Variants in GDAP1 observed in about 807,000 individuals in gnomAD.
The protein encoded by GDAP1 is ganglioside-induced differentiation-associated protein 1.
GDAP1 carries 34 observed loss-of-function variants against 40.1 expected under a neutral mutation model. The ratio of observed to expected loss-of-function variants is 0.85; its 90% CI spans 0.64 to 1.13. GDAP1 has a LOEUF of 1.13. Ranked by LOEUF, GDAP1 falls within the 50% of genes most tolerant of loss-of-function variation. The pLI is 0.00. For missense variants in GDAP1, 374 were observed against 433.7 expected, an observed-to-expected ratio of 0.86 and a Z score of 1.22; for synonymous variants, 170 against 157.4, an observed-to-expected ratio of 1.08 and a Z score of -0.60.
At chr8:74,467,922 T>G (rs1184663628) in intron 2 of GDAP1, among the ~76,000 whole-genome samples, 1 of 152,234 alleles carries the variant, frequency 6.6e-6, no homozygotes, top group Non-Finnish European at 1.5e-5. Context: ...TTTAATTATT[T>G]CATCTCTTGG....
intron 2 of GDAP1, among the ~76,000 whole-genome samples, chr8:74,448,099 G>C (rs1806255090): frequency 6.6e-6 from 1 of 152,088 alleles, no homozygotes; most frequent in African/African-American, 2.4e-5. Flanking sequence ...TATAAGGGAG[G>C]TGAAATTAAC....
intron 2 of GDAP1, among the ~76,000 whole-genome samples, chr8:74,373,969 G>T (rs1253792122): frequency 6.6e-6 from 1 of 152,162 alleles, no homozygotes; most frequent in Non-Finnish European, 1.5e-5. Flanking sequence ...AGCATGAAGG[G>T]TTGTTGAATT....
At chr8:74,475,471 T>G (rs1806617064) in intron 2 of GDAP1, among the ~76,000 whole-genome samples, 1 of 152,216 alleles carries the variant, frequency 6.6e-6, no homozygotes, top group African/African-American at 2.4e-5. Context: ...ACAGAGATTT[T>G]GGTATATTGT....
At chr8:74,484,752 A>G (rs929972808) in intron 2 of GDAP1, among the ~76,000 whole-genome samples, 3 of 152,040 alleles carry the variant, frequency 2.0e-5, no homozygotes, top group African/African-American at 7.2e-5. Flanking sequence ...TCTGCTTGTT[A>G]TTTCTGTGAG....
chr8:74,388,149 A>T (rs1810053078), intron 2 of GDAP1, among the ~76,000 whole-genome samples: 1 of 151,926 alleles, frequency 6.6e-6, no homozygotes, highest in Non-Finnish European at 1.5e-5. Context: ...TGATTCTTTG[A>T]AGGGTTTTTC....
At chr8:74,465,267 A>G (rs1198383695) in intron 2 of GDAP1, among the ~76,000 whole-genome samples, 3 of 152,146 alleles carry the variant, frequency 2.0e-5, no homozygotes, top group Non-Finnish European at 2.9e-5. Flanking sequence ...AAGCCGTGCT[A>G]TTCTGCCTGA....
At chr8:74,396,923 A>T (rs1454458206) in intron 2 of GDAP1, among the ~76,000 whole-genome samples, 3 of 152,224 alleles carry the variant, frequency 2.0e-5, no homozygotes, top group African/African-American at 7.2e-5. Context: ...TCCCTGAGGA[A>T]TCGCCACACT....
At chr8:74,371,808 T>C (rs1416234817), downstream of GDAP1, among the ~76,000 whole-genome samples, 1 of 152,084 alleles carries the variant, frequency 6.6e-6, no homozygotes, top group Non-Finnish European at 1.5e-5. Flanking sequence ...AGTTCTAGGG[T>C]ACATGTGCAC....
chr8:74,439,604 TG>T (rs1034108961), intron 2 of GDAP1, among the ~76,000 whole-genome samples: 32 of 152,022 alleles, frequency 2.1e-4, no homozygotes, highest in African/African-American at 7.7e-4. Flanking sequence ...TGTTTTTTTT[TG>T]TTTGTTTGTT....
chr8:74,357,259 T>G (rs1416785168), intron 2 of GDAP1, among the ~76,000 whole-genome samples: 1 of 152,174 alleles, frequency 6.6e-6, no homozygotes, highest in Non-Finnish European at 1.5e-5. Flanking sequence ...TAATAATGCC[T>G]CCTTTATCTG....
chr8:74,486,907 C>T lies in GDAP1; in HGVS notation c.166-1771C>T, dbSNP rs551996662. 4.1e-4 allele frequency among the ~76,000 whole-genome samples: 63 copies of T among 152,232 alleles called. No individual in the cohort carries two copies. In the South Asian group the frequency reaches 0.013, roughly 32 times the overall value. On this transcript the variant is annotated intron_variant, in intron 2 of 2. Transcript: ENST00000523640. Reference sequence around the variant, plus strand: ...TTATGTCAGTAAGGCTTCAAACAGCCATACTAGAAACATGAATAGGCTTTG... The same window carrying T: ...TTATGTCAGTAAGGCTTCAAACAGCTATACTAGAAACATGAATAGGCTTTG...
chr8:74,394,968 G>A (rs548114888), intron 2 of GDAP1, among the ~76,000 whole-genome samples: 92 of 152,276 alleles, frequency 6.0e-4, no homozygotes, highest in Non-Finnish European at 1.0e-3. Flanking sequence ...AGAAATTGCT[G>A]CTTTAACTGG....
chr8:74,389,641 T>C (rs567507319), intron 2 of GDAP1, among the ~76,000 whole-genome samples: 33 of 152,308 alleles, frequency 2.2e-4, no homozygotes, highest in African/African-American at 7.7e-4. Context: ...GTGAATCTGA[T>C]GATTATGTGT....
chr8:74,416,665 A>G (rs1363918902), intron 2 of GDAP1, among the ~76,000 whole-genome samples: 1 of 149,880 alleles, frequency 6.7e-6, no homozygotes, highest in African/African-American at 2.6e-5. Flanking sequence ...TTGCTGGGAG[A>G]CTTGAGGACA....
intron 2 of GDAP1, among the ~76,000 whole-genome samples, chr8:74,444,869 C>G (rs1366924798): frequency 6.6e-6 from 1 of 152,124 alleles, no homozygotes; most frequent in Non-Finnish European, 1.5e-5. Context: ...ATTCCATTAC[C>G]TCTATTTTAA....
intron 4 of GDAP1, among the ~76,000 whole-genome samples, 155 bp from the exon 5 acceptor site, chr8:74,362,784 C>CTCTT (rs1300148699): frequency 0.031 from 1,857 of 60,456 alleles, 66 homozygotes; most frequent in East Asian, 0.07. Context: ...CTCTCTCTCT[C>CTCTT]TTTTTTTTTT....
chr8:74,370,157 A>G (rs1809723824), downstream of GDAP1, among the ~76,000 whole-genome samples: 1 of 152,256 alleles, frequency 6.6e-6, no homozygotes, highest in African/African-American at 2.4e-5. Flanking sequence ...AGTGCCAGGA[A>G]TGGCAAATAA....
chr8:74,382,608 T>G (rs936727903), intron 2 of GDAP1, among the ~76,000 whole-genome samples: 5 of 152,264 alleles, frequency 3.3e-5, no homozygotes, highest in Admixed American at 3.3e-4. Flanking sequence ...CAAATACTAC[T>G]TTTAAATTCT....
downstream of GDAP1, among the ~76,000 whole-genome samples, chr8:74,370,939 A>G (rs998295835): frequency 2.0e-5 from 3 of 152,260 alleles, no homozygotes; most frequent in Non-Finnish European, 4.4e-5. Context: ...ATAAATACAT[A>G]TTCATCTAAG....
Sources: gnomAD v4.1 joint callset for allele counts (sites outside exome capture counted in the v4.1 genomes callset) on GRCh38, gnomAD v4.1.1 for gene constraint, MANE v1.5 for transcripts, NCBI Gene and HGNC (gene_info 2026-07-23, HGNC 2026-07-21) for gene names.